The following WWOX variants were observed in gnomAD, a reference collection of about 807,000 sequenced individuals.
The protein encoded by WWOX is WW domain containing oxidoreductase.
Under a neutral mutation model 46.2 loss-of-function variants are expected in WWOX, and 69 were observed. That is an observed-to-expected ratio of 1.49 (90% CI 1.23 to 1.82). WWOX has a LOEUF of 1.82. Among genes scored for constraint, WWOX ranks in the 40% most tolerant of loss-of-function variants. The pLI is 0.00. For synonymous variants in WWOX, 359 were observed against 202.6 expected, an observed-to-expected ratio of 1.77 and a Z score of -6.56; for missense variants, 919 against 542.6, an observed-to-expected ratio of 1.69 and a Z score of -6.89.
intron 8 of WWOX, among the ~76,000 whole-genome samples, chr16:78,676,040 C>T (rs574913729): frequency 6.6e-6 from 1 of 151,946 alleles, no homozygotes; most frequent in East Asian, 1.9e-4. Context: ...AGCTTCTTCT[C>T]CGCTGCTTGT....
chr16:79,088,608 A>G lies in WWOX; in HGVS notation c.1057-123000A>G, dbSNP rs568039284. 1.6e-4 allele frequency among the ~76,000 whole-genome samples: 24 copies of G among 152,288 alleles called. No individual in the cohort carries two copies. The East Asian group carries it at 4.4e-3, about 28-fold the overall frequency. On this transcript the variant is annotated intron_variant, in intron 8 of 8. Coordinates refer to ENST00000566780, the MANE Select transcript of WWOX (RefSeq NM_016373.4). ...AAACTAAAAGAGGTTTTCTAGACTC[A>G]CTCCATGGAGACCACTTTACTTTCC...
intron 5 of WWOX, among the ~76,000 whole-genome samples, chr16:78,240,195 C>G (rs1460836944): frequency 2.0e-5 from 3 of 151,980 alleles, no homozygotes; most frequent in African/African-American, 7.3e-5. Context: ...AAGAGGAAAG[C>G]AGGGGGCACA....
intron 8 of WWOX, among the ~76,000 whole-genome samples, chr16:79,208,637 T>C (rs1319733355): frequency 6.6e-6 from 1 of 151,710 alleles, no homozygotes; most frequent in African/African-American, 2.4e-5. Flanking sequence ...TTAAATTTTT[T>C]TTTTAATCAG....
chr16:78,790,162 G>T (rs190813555), intron 8 of WWOX, among the ~76,000 whole-genome samples: 1 of 151,946 alleles, frequency 6.6e-6, no homozygotes, highest in Non-Finnish European at 1.5e-5. Flanking sequence ...TTTGGGACAG[G>T]GTCTTGCTCT....
At chr16:78,734,049 G>T (rs965702717) in intron 8 of WWOX, among the ~76,000 whole-genome samples, 3 of 151,114 alleles carry the variant, frequency 2.0e-5, no homozygotes, top group African/African-American at 7.3e-5. Flanking sequence ...GATAAAGTAA[G>T]ATCCTGTCTG....
intron 8 of WWOX, among the ~76,000 whole-genome samples, chr16:78,488,120 T>A (rs2084685243): frequency 6.6e-6 from 1 of 152,164 alleles, no homozygotes; most frequent in South Asian, 2.1e-4. Context: ...GGAAACTTGG[T>A]AATGTAGATT....
chr16:78,265,889 T>C (rs2079352535), intron 5 of WWOX: 1 of 152,188 alleles, frequency 6.6e-6, no homozygotes, highest in Non-Finnish European at 1.5e-5. Flanking sequence ...TGGCCTAATA[T>C]ACATCCAGTT....
intron 8 of WWOX, among the ~76,000 whole-genome samples, chr16:78,881,984 G>T (rs531410328): frequency 6.6e-6 from 1 of 152,136 alleles, no homozygotes; most frequent in Admixed American, 6.5e-5. Flanking sequence ...AAATTAGGTG[G>T]GTGTGGTGGC....
At chr16:78,651,611 C>T (rs187080541) in intron 8 of WWOX, among the ~76,000 whole-genome samples, 1 of 152,220 alleles carries the variant, frequency 6.6e-6, no homozygotes, top group African/African-American at 2.4e-5. Flanking sequence ...CCTAGAACCT[C>T]AGTGCTATTG....
At chr16:79,107,385 G>T (rs1293789525) in intron 8 of WWOX, among the ~76,000 whole-genome samples, 1 of 152,174 alleles carries the variant, frequency 6.6e-6, no homozygotes, top group Non-Finnish European at 1.5e-5. Flanking sequence ...ACCGCGCCCA[G>T]CCCAAAATGA....
chr16:78,432,412 A>T lies in WWOX; in HGVS notation c.792-76A>T, dbSNP rs958824082. 56 of 1,581,012 alleles carry T rather than the reference A, an allele frequency of 3.5e-5. No individual in the cohort carries two copies. In the African/African-American group the frequency reaches 6.3e-4, roughly 18 times the overall value. ...TGAGCCACTGCACCCAGCATTCCTT[A>T]GATTTCCAATAAAAATAAAAAGCTG... On this transcript the variant is annotated intron_variant, in intron 7 of 8. Coordinates refer to ENST00000566780, the MANE Select transcript of WWOX (RefSeq NM_016373.4).
chr16:78,682,707 C>G (rs2047758830), intron 8 of WWOX, among the ~76,000 whole-genome samples: 2 of 152,132 alleles, frequency 1.3e-5, no homozygotes, highest in South Asian at 4.2e-4. Flanking sequence ...GATCCCAACC[C>G]TATTAAAAAA....
intron 8 of WWOX, among the ~76,000 whole-genome samples, chr16:78,817,640 A>C (rs1343816763): frequency 1.3e-5 from 2 of 152,162 alleles, no homozygotes; most frequent in Admixed American, 6.5e-5. Flanking sequence ...GCCCCTGTTA[A>C]GTCCTGTACT....
chr16:78,893,623 C>G (rs1168378985), intron 8 of WWOX, among the ~76,000 whole-genome samples: 1 of 152,168 alleles, frequency 6.6e-6, no homozygotes, highest in East Asian at 1.9e-4. Context: ...GCCAATATTT[C>G]ATGTATTGTT....
chr16:78,392,952 C>T (rs995447200), intron 6 of WWOX, among the ~76,000 whole-genome samples: 6 of 152,132 alleles, frequency 3.9e-5, no homozygotes, highest in South Asian at 2.1e-4. Flanking sequence ...AGATAGTTCT[C>T]CTCAGAGTTA....
chr16:78,227,409 G>T (rs1215880830), intron 5 of WWOX, among the ~76,000 whole-genome samples: 1 of 152,070 alleles, frequency 6.6e-6, no homozygotes, highest in Non-Finnish European at 1.5e-5. Context: ...GGGGACCGAG[G>T]GAATAAAGAA....
intron 8 of WWOX, among the ~76,000 whole-genome samples, chr16:78,983,828 C>T (rs924640196): frequency 4.8e-5 from 7 of 147,368 alleles, no homozygotes; most frequent in South Asian, 2.2e-4. Flanking sequence ...TAATGCAGAA[C>T]GATAGGACTG....
intron 8 of WWOX, among the ~76,000 whole-genome samples, chr16:79,068,823 T>TAATAATAAG (rs2048492060): frequency 2.1e-5 from 1 of 48,032 alleles, no homozygotes; most frequent in Non-Finnish European, 3.6e-5. Flanking sequence ...AAAAACCCAA[T>TAATAATAAG]AATAATAATA....
intron 8 of WWOX, among the ~76,000 whole-genome samples, chr16:78,941,738 T>C (rs2045855867): frequency 6.6e-6 from 1 of 152,198 alleles, no homozygotes; most frequent in South Asian, 2.1e-4. Flanking sequence ...AAAAGGCAGT[T>C]AATCGCCTTA....
Sources: gnomAD v4.1 joint callset for allele counts (sites outside exome capture counted in the v4.1 genomes callset) on GRCh38, gnomAD v4.1.1 for gene constraint, MANE v1.5 for transcripts, NCBI Gene and HGNC (gene_info 2026-07-23, HGNC 2026-07-21) for gene names.